Variants in ZCCHC4 observed in about 807,000 individuals in gnomAD.
The protein encoded by ZCCHC4 is zinc finger CCHC-type containing 4, also known as rRNA N(6)-adenosine-methyltransferase ZCCHC4.
A neutral mutation model predicts 67.7 loss-of-function variants in ZCCHC4; 54 were observed. The observed-to-expected ratio is 0.80, with a 90% CI of 0.64 to 1.00. The LOEUF (loss-of-function observed/expected upper bound fraction) is 1.00. ZCCHC4 is among the 50% of genes least tolerant of loss of function. ZCCHC4 has a pLI of 0.00. For missense variants in ZCCHC4, 609 were observed against 617.0 expected (o/e 0.99, Z 0.14); for synonymous variants, 198 against 213.5 (o/e 0.93, Z 0.63).
rs1454609587 is a variant in ZCCHC4 at position 25,362,219 on chromosome 4, A to C, written c.1134-7A>C. 1.2e-6 allele frequency: 2 copies of C among 1,606,840 alleles called. No homozygotes were observed. Among genetic ancestry groups the C allele is most frequent in the Non-Finnish European group, 1.7e-6 (2 of 1,175,970 alleles). ...TATGCAGCTGATTTCTCTGTCCTTT[A>C]CTCTAGATTTTGCTCTCCGTGTCAA... On this transcript the variant is annotated splice_polypyrimidine_tract_variant and splice_region_variant and intron_variant, in intron 9 of 12. Transcript: ENST00000302874.
chr4:25,313,046 T>G lies in ZCCHC4; in HGVS notation c.127+110T>G, dbSNP rs146332542. 9,168 of 1,463,212 alleles carry G rather than the reference T, an allele frequency of 6.3e-3. 49 individuals carry two copies. The highest frequency in any genetic ancestry group is 0.014 in the Admixed American group (633 of 46,348). The allele number at this position is 1,463,212 out of a possible 1,614,324, so 90.6% of individuals were successfully genotyped here. On this transcript the variant is annotated intron_variant, in intron 1 of 12. Coordinates refer to ENST00000302874, the MANE Select transcript of ZCCHC4 (RefSeq NM_024936.3). ...TTTACCCGCCTCTTTCCCTCACCAG[T>G]GTGCTGCCTAGAAAATACTCCTTCC...
At chr4:25,334,908 G>A (rs1455272748) in intron 5 of ZCCHC4, among the ~76,000 whole-genome samples, 1 of 151,820 alleles carries the variant, frequency 6.6e-6, no homozygotes, top group East Asian at 1.9e-4. Flanking sequence ...CATGGTCATA[G>A]CCCACTGTAC....
Position 25,349,642 on chromosome 4 carries a change from G to A in ZCCHC4, c.910G>A (p.Asp304Asn). ...IAMWKEGQSQ[D>N]DSHKELPIFW... The stretch of plus-strand genomic sequence containing the variant: ...TATGTGGAAAGAAGGTCAAAGCCAA[G>A]GTGTATAATTTATTACTGCAAAATA... The change falls in exon 7 of 13, where the codon GAT (aspartate) becomes AAT (asparagine). Residue 304 changes from aspartate (D) to asparagine (N), a missense_variant and splice_region_variant. Coordinates refer to ENST00000302874, the MANE Select transcript of ZCCHC4 (RefSeq NM_024936.3). 1 of 1,613,138 alleles carries A rather than the reference G, an allele frequency of 6.2e-7. No individual in the cohort carries two copies. The highest frequency in any genetic ancestry group is 1.1e-5 in the South Asian group (1 of 90,920).
intron 5 of ZCCHC4, among the ~76,000 whole-genome samples, chr4:25,335,001 G>A (rs1159517603): frequency 2.0e-5 from 3 of 151,944 alleles, no homozygotes; most frequent in Non-Finnish European, 4.4e-5. Context: ...CCACACCCAG[G>A]TAATTTTAAA....
intron 3 of ZCCHC4, among the ~76,000 whole-genome samples, chr4:25,329,737 G>A (rs1719084152): frequency 6.6e-6 from 1 of 151,970 alleles, no homozygotes; most frequent in Admixed American, 6.6e-5. Context: ...GTTTCATCAT[G>A]TTGGCCAGGA....
intron 4 of ZCCHC4, among the ~76,000 whole-genome samples, chr4:25,333,670 T>C (rs1377743966): frequency 6.6e-6 from 1 of 152,244 alleles, no homozygotes; most frequent in African/African-American, 2.4e-5. Context: ...TGAGAGAAGA[T>C]TCTTTCTGAT....
chr4:25,351,462 C>G, intron 7 of ZCCHC4, 127 bp from the exon 8 acceptor site: 1 of 634,224 alleles, frequency 1.6e-6, no homozygotes, highest in Non-Finnish European at 2.7e-6. Flanking sequence ...TAAATATTTT[C>G]TGTTTTTGTA....
At chr4:25,358,008 G>A (rs1429223523) in intron 8 of ZCCHC4, among the ~76,000 whole-genome samples, 1 of 152,212 alleles carries the variant, frequency 6.6e-6, no homozygotes, top group East Asian at 1.9e-4. Flanking sequence ...TGGATTTAGT[G>A]GCCAGGTGGA....
At position 25,341,022 on chromosome 4, in the gene ZCCHC4, T is replaced by A. The variant is rs573836429; in HGVS notation, c.687-4526T>A. ...ATCGTCTCTTCCTTATGATTTTTTT[T>A]AATAGAAACGGGACTTGCTGGCTGG... On this transcript the variant is annotated intron_variant, in intron 5 of 12. Coordinates refer to ENST00000302874, the MANE Select transcript of ZCCHC4 (RefSeq NM_024936.3). Among the ~76,000 whole-genome samples, 5 of 152,258 alleles carry A rather than the reference T, an allele frequency of 3.3e-5. No homozygotes were observed. In the East Asian group the frequency reaches 5.8e-4, roughly 18 times the overall value.
At chr4:25,362,093 A>G in intron 9 of ZCCHC4, 113 bp downstream of exon 9, 1 of 1,462,854 alleles carries the variant, frequency 6.8e-7, no homozygotes, top group Non-Finnish European at 9.2e-7. Flanking sequence ...TTACTTTTAA[A>G]TTAGGTCCAT....
At position 25,335,586 on chromosome 4, in the gene ZCCHC4, C is replaced by A. The variant is rs57778840; in HGVS notation, c.686+1598C>A. Among the ~76,000 whole-genome samples, 1,031 of 152,082 alleles carry A rather than the reference C, an allele frequency of 6.8e-3. 11 individuals carry two copies. Among genetic ancestry groups the A allele is most frequent in the African/African-American group, 0.023 (967 of 41,478 alleles). On this transcript the variant is annotated intron_variant, in intron 5 of 12. Transcript: ENST00000302874. ...ACCAGCCTGGGCAACATGGTAAAAC[C>A]CCATTGCTACTAAAAATACAAAAAT...
intron 10 of ZCCHC4, 139 bp downstream of exon 10, chr4:25,362,440 A>T: frequency 2.0e-6 from 1 of 492,318 alleles, no homozygotes; most frequent in Non-Finnish European, 3.3e-6. Context: ...TTATGCTATA[A>T]TACAATATTT....
intron 3 of ZCCHC4, among the ~76,000 whole-genome samples, chr4:25,324,264 C>T (rs1718745836): frequency 6.6e-6 from 1 of 151,838 alleles, no homozygotes; most frequent in Non-Finnish European, 1.5e-5. Flanking sequence ...ATCTGCCTGC[C>T]TTGGCCTCCC....
intron 8 of ZCCHC4, chr4:25,352,370 T>C (rs1720341621): frequency 1.0e-6 from 1 of 985,428 alleles, no homozygotes; most frequent in Admixed American, 6.2e-5. Flanking sequence ...AAGTTAACCC[T>C]GTTGTCGCCA....
intron 5 of ZCCHC4, among the ~76,000 whole-genome samples, chr4:25,343,732 A>G (rs894065212): frequency 6.6e-6 from 1 of 152,250 alleles, no homozygotes. Context: ...AGTTAATGGG[A>G]AGAGGATAAA....
intron 3 of ZCCHC4, among the ~76,000 whole-genome samples, chr4:25,331,168 G>T (rs1052267674): frequency 6.6e-6 from 1 of 152,142 alleles, no homozygotes; most frequent in Non-Finnish European, 1.5e-5. Context: ...TTCCCTCGGG[G>T]TTCACTGTTT....
At chr4:25,320,378 C>T (rs1455235552) in intron 3 of ZCCHC4, among the ~76,000 whole-genome samples, 1 of 151,864 alleles carries the variant, frequency 6.6e-6, no homozygotes, top group Non-Finnish European at 1.5e-5. Context: ...TTTTTCAGAT[C>T]TCATTTAAAC....
At chr4:25,326,054 CAT>C (rs1383161840) in intron 3 of ZCCHC4, among the ~76,000 whole-genome samples, 1 of 152,208 alleles carries the variant, frequency 6.6e-6, no homozygotes, top group Non-Finnish European at 1.5e-5. Flanking sequence ...TATACAACGA[CAT>C]AGATTTATTC....
At chr4:25,321,575 G>A (rs531184794) in intron 3 of ZCCHC4, among the ~76,000 whole-genome samples, 7 of 151,868 alleles carry the variant, frequency 4.6e-5, no homozygotes, top group Non-Finnish European at 7.4e-5. Context: ...GTTTCACCAT[G>A]TTGGCCAGGC....
Sources: gnomAD v4.1 joint callset for allele counts (sites outside exome capture counted in the v4.1 genomes callset) on GRCh38, gnomAD v4.1.1 for gene constraint, MANE v1.5 for transcripts, NCBI Gene and HGNC (gene_info 2026-07-23, HGNC 2026-07-21) for gene names.